The following ZNF490 variants were observed in gnomAD, a reference collection of about 807,000 sequenced individuals.
The protein encoded by ZNF490 is zinc finger protein 490.
A neutral mutation model predicts 17.7 loss-of-function variants in ZNF490; 11 were observed. The observed-to-expected ratio is 0.62, with a 90% CI of 0.39 to 1.03. The LOEUF (loss-of-function observed/expected upper bound fraction) is 1.03. Among genes scored for constraint, ZNF490 ranks in the 50% least tolerant of loss-of-function variants. The pLI is 0.00. For missense variants in ZNF490, 542 were observed against 643.4 expected (o/e 0.84, Z 1.71); for synonymous variants, 222 against 216.1 (o/e 1.03, Z -0.24).
chr19:12,598,467 C>T (rs1379455167), intron 2 of ZNF490, among the ~76,000 whole-genome samples: 13 of 150,444 alleles, frequency 8.6e-5, no homozygotes, highest in African/African-American at 2.4e-4. Flanking sequence ...CTCCGCCTCC[C>T]GGGTTCAAGC....
At chr19:12,598,876 A>G (rs1329879353) in intron 2 of ZNF490, among the ~76,000 whole-genome samples, 6 of 151,698 alleles carry the variant, frequency 4.0e-5, no homozygotes, top group African/African-American at 4.8e-5. Flanking sequence ...AGTCCCAGCT[A>G]CTAGGGAGGC....
At chr19:12,582,266 T>A (rs866226719) in intron 4 of ZNF490, among the ~76,000 whole-genome samples, 1 of 152,020 alleles carries the variant, frequency 6.6e-6, no homozygotes, top group Non-Finnish European at 1.5e-5. Context: ...GCTTTTTTTT[T>A]TTTCCTGTAG....
At chr19:12,608,767 A>G (rs923405893) in intron 2 of ZNF490, among the ~76,000 whole-genome samples, 16 of 151,994 alleles carry the variant, frequency 1.1e-4, no homozygotes, top group African/African-American at 3.9e-4. Flanking sequence ...GAGCTACTAC[A>G]CCCAGCCATT....
rs2022966960 is a variant in ZNF490 at position 12,598,880 on chromosome 19, G to A, written c.162+10278C>T. Among the ~76,000 whole-genome samples the A allele has an allele frequency of 4.0e-5, 6 of 151,660 alleles. No individual in the cohort carries two copies. In the South Asian group the frequency reaches 1.2e-3, roughly 32 times the overall value. ...CGCGCACCTGTAGTCCCAGCTACTA[G>A]GGAGGCTGAGGCAGGAAAATAGCTT... On this transcript the variant is annotated intron_variant, in intron 2 of 4. Coordinates refer to ENST00000311437, the MANE Select transcript of ZNF490 (RefSeq NM_020714.3).
Position 12,580,488 on chromosome 19 carries a change from G to C in ZNF490, c.1587C>G (p.Pro529=). The C allele has an allele frequency of 6.3e-7, 1 of 1,581,258 alleles. No homozygotes were observed. Among genetic ancestry groups the C allele is most frequent in the Non-Finnish European group, 8.6e-7 (1 of 1,164,542 alleles). ...VHERTHSRQK[P] Reference sequence around the variant, plus strand: ...AGCATTACCACACTTTACTTTCTTAGGGCTTCTGTCTACTATGAGTCCTTT... The same window carrying C: ...AGCATTACCACACTTTACTTTCTTACGGCTTCTGTCTACTATGAGTCCTTT... The change falls in exon 5 of 5, where the codon CCC becomes CCG. Residue 529 remains proline (P), a synonymous_variant. Coordinates refer to ENST00000311437, the MANE Select transcript of ZNF490 (RefSeq NM_020714.3).
At chr19:12,601,137 C>T (rs575281625) in intron 2 of ZNF490, among the ~76,000 whole-genome samples, 1 of 152,038 alleles carries the variant, frequency 6.6e-6, no homozygotes, top group South Asian at 2.1e-4. Context: ...GCCTGTAATC[C>T]CAGCACTTTC....
chr19:12,595,827 G>A (rs2022925998), intron 2 of ZNF490, among the ~76,000 whole-genome samples: 1 of 152,112 alleles, frequency 6.6e-6, no homozygotes. Flanking sequence ...GCAGGTGACT[G>A]TAATCCCAGT....
chr19:12,609,775 A>C (rs2023121279), intron 1 of ZNF490: 1 of 316,612 alleles, frequency 3.2e-6, no homozygotes, highest in Non-Finnish European at 6.1e-6. Context: ...GTGGGAGCTA[A>C]ACAATGGGTA....
rs149742929 is a variant in ZNF490, at chr19:12,576,813, C to CAAAAAAAAAA, written c.*3662_*3671dup. Among the ~76,000 whole-genome samples the CAAAAAAAAAA allele has an allele frequency of 5.3e-5, 2 of 37,532 alleles. No homozygotes were observed. The highest frequency in any genetic ancestry group is 1.0e-4 in the African/African-American group (1 of 9,712). The allele number at this position is 37,532 out of a possible 152,430, so 24.6% of individuals were successfully genotyped here. A position where few individuals can be genotyped will look rare whatever the true frequency, so the allele number is the denominator to read the frequency against. ...GCCTGGCAACAGTGAGAATCCATCT[C>CAAAAAAAAAA]AAAAAAAAAAAAAAAAAAAAAAACC... On this transcript the variant is annotated 3_prime_UTR_variant, in exon 5 of 5. Transcript: ENST00000311437.
In ZNF490 at chr19:12,581,254, C is replaced by A; in HGVS notation, c.821G>T (p.Gly274Val). Residue 274 changes from glycine (G) to valine (V), a missense_variant, in exon 5 of 5, where the codon GGA becomes GTA. Transcript: ENST00000311437. ...CTGTTTACATTTGTAGGGTTTCTCT[C>A]CAGTGTGATTTTTTTCATGGCGCCG... Reference protein sequence around the residue: ...ALRRHEKNHTGEKPYKCKQCG... With the variant: ...ALRRHEKNHTVEKPYKCKQCG... The A allele has an allele frequency of 6.2e-7, 1 of 1,614,138 alleles. No homozygotes were observed.
chr19:12,594,596 T>C (rs892341799), intron 2 of ZNF490, among the ~76,000 whole-genome samples: 4 of 152,152 alleles, frequency 2.6e-5, no homozygotes, highest in Non-Finnish European at 5.9e-5. Context: ...CGGGCAATGA[T>C]GACCAATTTG....
At chr19:12,609,784 T>G in intron 1 of ZNF490, 1 of 321,644 alleles carries the variant, frequency 3.1e-6, no homozygotes, top group Non-Finnish European at 6.0e-6. Flanking sequence ...AAACAATGGG[T>G]AAACATGGAC....
At position 12,583,499 on chromosome 19, in the gene ZNF490, G is replaced by A; in HGVS notation, c.220C>T (p.Leu74=). 1.2e-6 allele frequency: 2 copies of A among 1,606,170 alleles called. No homozygotes were observed. The highest frequency in any genetic ancestry group is 1.3e-5 in the African/African-American group (1 of 74,710). The part of the protein sequence containing the change: ...VNFTLEEWAL[L]DPGQRNIYRD... ...TAGATATTCCTCTGGCCAGGATCCAGCAAAGCCCACTCCTCCAGGGTGAAG... is the reference window on the plus strand; with the variant it reads ...TAGATATTCCTCTGGCCAGGATCCAACAAAGCCCACTCCTCCAGGGTGAAG... The change falls in exon 3 of 5, where the codon CTG becomes TTG. Residue 74 remains leucine, a synonymous_variant. Transcript: ENST00000311437.
chr19:12,599,322 G>A (rs1385568314), intron 2 of ZNF490, among the ~76,000 whole-genome samples: 2 of 151,818 alleles, frequency 1.3e-5, no homozygotes, highest in Admixed American at 1.3e-4. Flanking sequence ...TTTAAAAAGA[G>A]GGATGTTTAG....
At position 12,609,100 on chromosome 19, in the gene ZNF490, C is replaced by G. The variant is rs1354314018; in HGVS notation, c.162+58G>C. The G allele has an allele frequency of 1.9e-6, 3 of 1,571,728 alleles. No homozygotes were observed. The African/African-American group carries it at 4.1e-5, about 21-fold the overall frequency. On this transcript the variant is annotated intron_variant, in intron 2 of 4. Transcript: ENST00000311437. ...CAAAGAGGTCATAGAAGGACAGACC[C>G]AAATGGTCATTATAAACAAGGAAGG...
Position 12,577,530 on chromosome 19 carries a change from AATGTTCCTGGTGAGAGAAGCG to A in ZNF490, c.*2934_*2954del, listed in dbSNP as rs869031766. 12 of 905,430 alleles carry A rather than the reference AATGTTCCTGGTGAGAGAAGCG, an allele frequency of 1.3e-5. No individual in the cohort carries two copies. The highest frequency in any genetic ancestry group is 1.5e-5 in the Non-Finnish European group (12 of 800,172). The allele number at this position is 905,430 out of a possible 1,614,324, so 56.1% of individuals were successfully genotyped here. A position where few individuals can be genotyped will look rare whatever the true frequency, so the allele number is the denominator to read the frequency against. On this transcript the variant is annotated 3_prime_UTR_variant, in exon 5 of 5. Coordinates refer to ENST00000311437, the MANE Select transcript of ZNF490 (RefSeq NM_020714.3). ...ATAAATGTTCCTGGTGAGAGAAGCG[AATGTTCCTGGTGAGAGAAGCG>A]AAGGTGTGCATCTCCTGGCTCAGCC...
intron 2 of ZNF490, among the ~76,000 whole-genome samples, chr19:12,593,803 A>G (rs2022899916): frequency 6.6e-6 from 1 of 152,198 alleles, no homozygotes; most frequent in South Asian, 2.1e-4. Context: ...TCAGTAGCAA[A>G]GGATCTAGGA....
chr19:12,589,978 G>A (rs939835549), intron 2 of ZNF490, among the ~76,000 whole-genome samples: 7 of 148,766 alleles, frequency 4.7e-5, no homozygotes, highest in Admixed American at 6.7e-5. Flanking sequence ...GCACTGGCAC[G>A]ATCTCGGCTC....
At chr19:12,595,955 AAAAAAG>A (rs1219366015) in intron 2 of ZNF490, among the ~76,000 whole-genome samples, 1 of 151,522 alleles carries the variant, frequency 6.6e-6, no homozygotes, top group African/African-American at 2.4e-5. Context: ...TGTCAAAAGA[AAAAAAG>A]AAAAAGAAAA....
Sources: gnomAD v4.1 joint callset for allele counts (sites outside exome capture counted in the v4.1 genomes callset) on GRCh38, gnomAD v4.1.1 for gene constraint, MANE v1.5 for transcripts, NCBI Gene and HGNC (gene_info 2026-07-23, HGNC 2026-07-21) for gene names.